PPP1R15A: variants seen among roughly 807,000 people sequenced by gnomAD.
PPP1R15A encodes the protein protein phosphatase 1 regulatory subunit 15A.
Under a neutral mutation model 48.5 loss-of-function variants are expected in PPP1R15A, and 43 were observed. The ratio of observed to expected loss-of-function variants is 0.89; its 90% CI spans 0.69 to 1.14. PPP1R15A has a LOEUF of 1.14. Among genes scored for constraint, PPP1R15A ranks in the 50% most tolerant of loss-of-function variants. The pLI, the probability that PPP1R15A is intolerant of heterozygous loss-of-function variation, is 0.00. For missense variants in PPP1R15A, 868 were observed against 847.2 expected (o/e 1.02, Z -0.30); for synonymous variants, 327 against 327.4 (o/e 1.00, Z 0.01).
Position 48,873,511 on chromosome 19 carries a change from G to A in PPP1R15A, c.278G>A (p.Arg93Lys). The A allele has an allele frequency of 6.2e-7, 1 of 1,614,226 alleles. No individual in the cohort carries two copies. The highest frequency in any genetic ancestry group is 8.5e-7 in the Non-Finnish European group (1 of 1,180,038). The change falls in exon 2 of 3, where the codon AGA (arginine) becomes AAA (lysine). Residue 93 changes from arginine to lysine, a missense_variant. Transcript: ENST00000200453. ...GACAGTGGAGGCCCTGGAGAGGACAGAGAAACACTGGGGCTGAAAACCAGC... is the reference window on the plus strand; with the variant it reads ...GACAGTGGAGGCCCTGGAGAGGACAAAGAAACACTGGGGCTGAAAACCAGC... Reference protein sequence around the residue: ...AEDSGGPGEDRETLGLKTSSS... With the variant: ...AEDSGGPGEDKETLGLKTSSS...
In PPP1R15A at chr19:48,874,781, G is replaced by A. The variant is rs567547680; in HGVS notation, c.1548G>A (p.Glu516=). Residue 516 remains glutamate (E), a synonymous_variant, in exon 2 of 3, where the codon GAG becomes GAA. Transcript: ENST00000200453. ...GAGTGGCCATCTATGTACCTGGAGAGAAGCCACCGCCTCCCTGGGCTCCTC... is the reference window on the plus strand; with the variant it reads ...GAGTGGCCATCTATGTACCTGGAGAAAAGCCACCGCCTCCCTGGGCTCCTC... The part of the protein sequence containing the change: ...PFRVAIYVPG[E]KPPPPWAPPR... 22 of 1,614,088 alleles carry A rather than the reference G, an allele frequency of 1.4e-5. No homozygotes were observed. In the East Asian group the frequency reaches 3.3e-4, roughly 25 times the overall value.
At position 48,875,150 on chromosome 19, in the gene PPP1R15A, C is replaced by T. The variant is rs2037065909; in HGVS notation, c.1665+252C>T. 5 of 413,348 alleles carry T rather than the reference C, an allele frequency of 1.2e-5. No individual in the cohort carries two copies. In the South Asian group the frequency reaches 1.5e-4, roughly 13 times the overall value. 25.6% of individuals were successfully genotyped at this position (413,348 alleles called of 1,614,324 possible). On this transcript the variant is annotated intron_variant, in intron 2 of 2. Transcript: ENST00000200453. ...TTTGCCATGTTGGCCAGGCTGGTCTCAAACTCCTGACATCACGTGATCCAC... is the reference window on the plus strand; with the variant it reads ...TTTGCCATGTTGGCCAGGCTGGTCTTAAACTCCTGACATCACGTGATCCAC...
In PPP1R15A at chr19:48,873,462, A is replaced by T. The variant is rs146194308; in HGVS notation, c.229A>T (p.Arg77Ter). ...GGCAATCCCCCATACCCCTTGGGGC[A>T]GACGCCCTGAAGAGGAGGCTGAAGA... ...PLAIPHTPWG[R>*]RPEEEAEDSG... The change falls in exon 2 of 3, where the codon AGA (arginine) becomes TGA (stop). Residue 77 changes from arginine to a stop codon, truncating the protein, a stop_gained. Coordinates refer to ENST00000200453, the MANE Select transcript of PPP1R15A (RefSeq NM_014330.5). LOFTEE classifies it high-confidence loss of function. 375 of 1,613,790 alleles carry T rather than the reference A, an allele frequency of 2.3e-4. 2 individuals are homozygous for T. The African/African-American group carries it at 3.1e-3, about 13-fold the overall frequency.
chr19:48,873,332 GA>G lies in PPP1R15A; in HGVS notation c.100del (p.Ser34AlafsTer3), dbSNP rs1344555850. 2 of 1,612,070 alleles carry G rather than the reference GA, an allele frequency of 1.2e-6. No homozygotes were observed. The highest frequency in any genetic ancestry group is 1.7e-6 in the Non-Finnish European group (2 of 1,179,386). On this transcript the variant is annotated frameshift_variant, in exon 2 of 3. Coordinates refer to ENST00000200453, the MANE Select transcript of PPP1R15A (RefSeq NM_014330.5). LOFTEE classifies it high-confidence loss of function. ...TGATGGGCCTCCTCAGCCGCGCCTG[GA>G]GCCGCCTGAGGGGCCTGGGACCTCT... ...PVMGLLSRAW[S>X]RLRGLGPLEP... is the part of the protein sequence containing the mutation.
intron 2 of PPP1R15A, 84 bp from the exon 3 acceptor site, chr19:48,875,530 T>C: frequency 2.4e-6 from 3 of 1,225,072 alleles, no homozygotes. Context: ...TTTGTTTGCT[T>C]CTCTCTCTCT....
chr19:48,874,889 G>T lies in PPP1R15A; in HGVS notation c.1656G>T (p.Lys552Asn). ...ATCCGGACCCTGAGACTCCCCTAAA[G>T]GCCAGAAAGGTAGGTGCTGAGAGCC... ...THDPDPETPL[K>N]ARKVRFSEKV... The change falls in exon 2 of 3, where the codon AAG (lysine) becomes AAT (asparagine). Residue 552 changes from lysine (K) to asparagine (N), a missense_variant. Physicochemically the swap from Lys to Asn is moderately conservative, Grantham distance 94 (BLOSUM62 0). Coordinates refer to ENST00000200453, the MANE Select transcript of PPP1R15A (RefSeq NM_014330.5). The T allele has an allele frequency of 3.2e-6, 5 of 1,555,746 alleles. No homozygotes were observed. The highest frequency in any genetic ancestry group is 4.3e-6 in the Non-Finnish European group (5 of 1,157,870).
rs755456726 is a variant in PPP1R15A, at chr19:48,874,635, C to A, written c.1402C>A (p.Pro468Thr). Reference protein sequence around the residue: ...EAALGEAESDPHPSHPDQRAH... With the variant: ...EAALGEAESDTHPSHPDQRAH... ...AGCCTTGGGAGAAGCTGAGTCAGACCCACATCCCTCCCACCCGGACCAGAG... is the reference window on the plus strand; with the variant it reads ...AGCCTTGGGAGAAGCTGAGTCAGACACACATCCCTCCCACCCGGACCAGAG... The change falls in exon 2 of 3, where the codon CCA becomes ACA. Residue 468 changes from proline (P) to threonine (T), a missense_variant. Physicochemically the swap from Pro to Thr is conservative, Grantham distance 38. Coordinates refer to ENST00000200453, the MANE Select transcript of PPP1R15A (RefSeq NM_014330.5). 2 of 1,613,898 alleles carry A rather than the reference C, an allele frequency of 1.2e-6. No homozygotes were observed. Among genetic ancestry groups the A allele is most frequent in the Non-Finnish European group, 1.7e-6 (2 of 1,179,856 alleles).
rs765307835 is a variant in PPP1R15A, at chr19:48,874,624, C to G, written c.1391C>G (p.Ala464Gly). The change falls in exon 2 of 3, where the codon GCT (alanine) becomes GGT (glycine). Residue 464 changes from alanine (A) to glycine (G), a missense_variant. Physicochemically the swap from Ala to Gly is moderately conservative, Grantham distance 60. Coordinates refer to ENST00000200453, the MANE Select transcript of PPP1R15A (RefSeq NM_014330.5). The part of the protein sequence containing the change: ...EDDSEAALGE[A>G]ESDPHPSHPD... ...GATTCAGAAGCAGCCTTGGGAGAAG[C>G]TGAGTCAGACCCACATCCCTCCCAC... 5 of 1,613,958 alleles carry G rather than the reference C, an allele frequency of 3.1e-6. No individual in the cohort carries two copies. Among genetic ancestry groups the G allele is most frequent in the East Asian group, 2.2e-5 (1 of 44,888 alleles).
intron 2 of PPP1R15A, chr19:48,875,120 G>A (rs1227098129): frequency 8.1e-6 from 4 of 494,830 alleles, no homozygotes; most frequent in East Asian, 3.5e-5. Flanking sequence ...AGTAGAGACG[G>A]GGGTTTTGCC....
At position 48,873,298 on chromosome 19, in the gene PPP1R15A, T is replaced by G; in HGVS notation, c.65T>G (p.Leu22Arg). 1 of 1,594,952 alleles carries G rather than the reference T, an allele frequency of 6.3e-7. No homozygotes were observed. Among genetic ancestry groups the G allele is most frequent in the Non-Finnish European group, 8.5e-7 (1 of 1,172,538 alleles). The change falls in exon 2 of 3, where the codon CTG (leucine) becomes CGG (arginine). Residue 22 changes from leucine (L) to arginine (R), a missense_variant. Coordinates refer to ENST00000200453, the MANE Select transcript of PPP1R15A (RefSeq NM_014330.5). ...PWRDAHPFFL[L>R]SPVMGLLSRA... ...AGGGATGCCCACCCTTTCTTCCTCC[T>G]GTCCCCAGTGATGGGCCTCCTCAGC...
chr19:48,873,905 A>G lies in PPP1R15A; in HGVS notation c.672A>G (p.Pro224=). ...AGCCCAGCACTTGGGTGTCTTGCCC[A>G]GGGGAGGAAGAGAATCAAGCCACGG... ...GSKPSTWVSC[P]GEEENQATED... is the part of the protein sequence containing the mutation. Residue 224 remains proline, a synonymous_variant, in exon 2 of 3, where the codon CCA becomes CCG. Coordinates refer to ENST00000200453, the MANE Select transcript of PPP1R15A (RefSeq NM_014330.5). 1.9e-6 allele frequency: 3 copies of G among 1,614,182 alleles called. No homozygotes were observed. The highest frequency in any genetic ancestry group is 2.5e-6 in the Non-Finnish European group (3 of 1,180,032).
At position 48,873,912 on chromosome 19, in the gene PPP1R15A, G is replaced by A. The variant is rs750857089; in HGVS notation, c.679G>A (p.Glu227Lys). 1.9e-5 allele frequency: 31 copies of A among 1,614,072 alleles called. No individual in the cohort carries two copies. Among genetic ancestry groups the A allele is most frequent in the Non-Finnish European group, 2.5e-5 (30 of 1,180,038 alleles). ...PSTWVSCPGEEENQATEDKRT... is the reference protein window; with the variant it reads ...PSTWVSCPGEKENQATEDKRT... ...CACTTGGGTGTCTTGCCCAGGGGAG[G>A]AAGAGAATCAAGCCACGGAGGATAA... The change falls in exon 2 of 3, where the codon GAA (glutamate) becomes AAA (lysine). Residue 227 changes from glutamate (E) to lysine (K), a missense_variant. Physicochemically the swap from Glu to Lys is moderately conservative, Grantham distance 56. Coordinates refer to ENST00000200453, the MANE Select transcript of PPP1R15A (RefSeq NM_014330.5).
chr19:48,875,969 G>A lies in PPP1R15A; in HGVS notation c.2021G>A (p.Gly674Asp), dbSNP rs773446345. 3.3e-5 allele frequency: 52 copies of A among 1,569,146 alleles called. No homozygotes were observed. The South Asian group carries it at 5.6e-4, about 17-fold the overall frequency. The change falls in exon 3 of 3, where the codon GGC (glycine) becomes GAC (aspartate). Residue 674 changes from glycine (G) to aspartate (D), a missense_variant. By Grantham distance (94) the Gly-to-Asp change is moderately conservative (BLOSUM62 -1). Transcript: ENST00000200453. Reference sequence around the variant, plus strand: ...GCCCTGGACCTCAGTGGGAGGCGTGGCTGAGACCAACTGGTTTGCCTATAA... The same window carrying A: ...GCCCTGGACCTCAGTGGGAGGCGTGACTGAGACCAACTGGTTTGCCTATAA... ...AAALDLSGRR[G>D]
At position 48,872,514 on chromosome 19, in the gene PPP1R15A, G is replaced by A. The variant is rs187780713; in HGVS notation, c.-147G>A. 1.4e-4 allele frequency: 63 copies of A among 456,474 alleles called. No homozygotes were observed. The East Asian group carries it at 3.9e-3, about 28-fold the overall frequency. 28.3% of individuals were successfully genotyped at this position (456,474 alleles called of 1,614,324 possible). ...CGCCACGGCACTTGAGGCAGCCGGA[G>A]ATACTCTGAGTTACTCGGAGCCCGA... On this transcript the variant is annotated 5_prime_UTR_variant, in exon 1 of 3. Coordinates refer to ENST00000200453, the MANE Select transcript of PPP1R15A (RefSeq NM_014330.5).
chr19:48,872,750 G>T, intron 1 of PPP1R15A, 99 bp downstream of exon 1: 1 of 290,526 alleles, frequency 3.4e-6, no homozygotes, highest in Non-Finnish European at 7.1e-6. Flanking sequence ...GCCTGAGGGA[G>T]GAGGGATCTG....
In PPP1R15A at chr19:48,874,188, G is replaced by T; in HGVS notation, c.955G>T (p.Ala319Ser). 2 of 1,614,224 alleles carry T rather than the reference G, an allele frequency of 1.2e-6. No homozygotes were observed. Among genetic ancestry groups the T allele is most frequent in the Non-Finnish European group, 1.7e-6 (2 of 1,180,034 alleles). The change falls in exon 2 of 3, where the codon GCA becomes TCA. Residue 319 changes from alanine (A) to serine (S), a missense_variant. Coordinates refer to ENST00000200453, the MANE Select transcript of PPP1R15A (RefSeq NM_014330.5). ...EEEGEVKALG[A>S]AEKDGEAECP... is the part of the protein sequence containing the mutation. ...GGAGGGTGAGGTCAAGGCTTTGGGG[G>T]CAGCTGAGAAGGATGGAGAAGCTGA...
In PPP1R15A at chr19:48,875,680, C is replaced by T. The variant is rs756444344; in HGVS notation, c.1732C>T (p.Arg578Cys). ...AVWAGPAQAARQGPWEQLARD... is the reference protein window; with the variant it reads ...AVWAGPAQAACQGPWEQLARD... ...CTGGGCAGGGCCGGCCCAGGCCGCC[C>T]GCCAGGGCCCCTGGGAGCAGCTTGC... The change falls in exon 3 of 3, where the codon CGC becomes TGC. Residue 578 changes from arginine to cysteine, a missense_variant. Coordinates refer to ENST00000200453, the MANE Select transcript of PPP1R15A (RefSeq NM_014330.5). 5.0e-6 allele frequency: 8 copies of T among 1,611,176 alleles called. No individual in the cohort carries two copies. The highest frequency in any genetic ancestry group is 3.3e-5 in the Admixed American group (2 of 59,942).
rs1317870093 is a variant in PPP1R15A, at chr19:48,874,878, A to T, written c.1645A>T (p.Thr549Ser). 1 of 1,574,720 alleles carries T rather than the reference A, an allele frequency of 6.4e-7. No homozygotes were observed. The highest frequency in any genetic ancestry group is 1.4e-5 in the African/African-American group (1 of 72,018). ...ETPTHDPDPE[T>S]PLKARKVRFS... Reference sequence around the variant, plus strand: ...CCCTACTCATGATCCGGACCCTGAGACTCCCCTAAAGGCCAGAAAGGTAGG... The same window carrying T: ...CCCTACTCATGATCCGGACCCTGAGTCTCCCCTAAAGGCCAGAAAGGTAGG... Residue 549 changes from threonine to serine, a missense_variant, in exon 2 of 3, where the codon ACT becomes TCT. Physicochemically the swap from Thr to Ser is moderately conservative, Grantham distance 58. Transcript: ENST00000200453.
rs1207661709 is a variant in PPP1R15A, at chr19:48,875,683, C to T, written c.1735C>T (p.Gln579Ter). 5 of 1,611,720 alleles carry T rather than the reference C, an allele frequency of 3.1e-6. No homozygotes were observed. In the South Asian group the frequency reaches 3.3e-5, roughly 11 times the overall value. The change falls in exon 3 of 3, where the codon CAG becomes TAG. Residue 579 changes from glutamine to a stop codon, truncating the protein, a stop_gained. Coordinates refer to ENST00000200453, the MANE Select transcript of PPP1R15A (RefSeq NM_014330.5). LOFTEE classifies it low-confidence loss of function (END_TRUNC). ...VWAGPAQAAR[Q>*]GPWEQLARDR... is the part of the protein sequence containing the mutation. ...GGCAGGGCCGGCCCAGGCCGCCCGC[C>T]AGGGCCCCTGGGAGCAGCTTGCTCG...
Sources: allele counts gnomAD v4.1 joint callset, GRCh38; gene constraint gnomAD v4.1.1; transcripts MANE v1.5; gene names NCBI Gene and HGNC (gene_info 2026-07-23, HGNC 2026-07-21).